The following IL21R variants were observed in gnomAD, a reference collection of about 807,000 sequenced individuals.
The protein encoded by IL21R is interleukin-21 receptor.
A neutral mutation model predicts 41.3 loss-of-function variants in IL21R; 14 were observed. The observed-to-expected ratio is 0.34, with a 90% CI of 0.22 to 0.53. IL21R has a LOEUF of 0.53. Among genes scored for constraint, IL21R ranks in the 20% least tolerant of loss-of-function variants. IL21R has a pLI of 0.94. For synonymous variants in IL21R, 286 were observed against 287.6 expected (o/e 0.99, Z 0.05); for missense variants, 588 against 681.6 (o/e 0.86, Z 1.53).
rs540985118 is a variant in IL21R at position 27,414,796 on chromosome 16, T to C, written c.-17+12178T>C. Among the ~76,000 whole-genome samples, 26 of 152,310 alleles carry C rather than the reference T, an allele frequency of 1.7e-4. No individual in the cohort carries two copies. The South Asian group carries it at 5.0e-3, about 29-fold the overall frequency. ...ATTAGGATCTACCTAATATGAATTC[T>C]TCCAAAAGTTCATGGAAAATTCAAA... is the stretch of plus-strand genomic sequence containing the variant. On this transcript the variant is annotated intron_variant, in intron 1 of 8. Coordinates refer to ENST00000337929, the MANE Select transcript of IL21R (RefSeq NM_181078.3).
chr16:27,404,634 C>T (rs183884052), intron 1 of IL21R, among the ~76,000 whole-genome samples: 70 of 152,306 alleles, frequency 4.6e-4, no homozygotes, highest in Non-Finnish European at 6.0e-4. Context: ...GCACAGGGGC[C>T]TTCTCCACAC....
chr16:27,447,265 A>C, intron 8 of IL21R, among the ~76,000 whole-genome samples: 1 of 152,158 alleles, frequency 6.6e-6, no homozygotes, highest in East Asian at 1.9e-4. Flanking sequence ...GGAGCATCAC[A>C]AACAGTGACT....
At chr16:27,422,235 A>G (rs1294777018) in intron 1 of IL21R, among the ~76,000 whole-genome samples, 1 of 151,988 alleles carries the variant, frequency 6.6e-6, no homozygotes, top group Admixed American at 6.5e-5. Flanking sequence ...TTTTTAAAAT[A>G]GTTTTTCTAT....
Position 27,403,258 on chromosome 16 carries a change from G to C in IL21R, c.-17+640G>C, listed in dbSNP as rs1419450785. The C allele has an allele frequency of 5.3e-5, 70 of 1,323,602 alleles. 1 individual carries two copies. The highest frequency in any genetic ancestry group is 6.6e-5 in the Non-Finnish European group (67 of 1,008,640). The allele number at this position is 1,323,602 out of a possible 1,614,324, so 82.0% of individuals were successfully genotyped here. On this transcript the variant is annotated intron_variant, in intron 1 of 8. Coordinates refer to ENST00000337929, the MANE Select transcript of IL21R (RefSeq NM_181078.3). The stretch of plus-strand genomic sequence containing the variant: ...CCCAGTTCCCTGTGCATGTGGAGGA[G>C]AGGAGGGTGGGGAGGTCAGTGGAGG...
intron 1 of IL21R, among the ~76,000 whole-genome samples, chr16:27,424,682 A>G (rs1439888619): frequency 6.6e-6 from 1 of 152,214 alleles, no homozygotes; most frequent in African/African-American, 2.4e-5. Context: ...GGGACCTGGC[A>G]CACTCCAAGT....
rs991926419 is a variant in IL21R, at chr16:27,450,367, G to A, written c.*1084G>A. 1.9e-4 allele frequency: 44 copies of A among 231,800 alleles called. No homozygotes were observed. The highest frequency in any genetic ancestry group is 4.3e-5 in the Non-Finnish European group (5 of 117,146). The allele number at this position is 231,800 out of a possible 1,614,324, so 14.4% of individuals were successfully genotyped here. The stretch of plus-strand genomic sequence containing the variant: ...CCACCCCCCGTGGCACTCATGGAGG[G>A]GGCTGCAGGTTGGAACTATGCAGTG... On this transcript the variant is annotated 3_prime_UTR_variant, in exon 9 of 9. Transcript: ENST00000337929.
intron 4 of IL21R, 147 bp downstream of exon 4, chr16:27,437,834 T>C: frequency 1.5e-6 from 1 of 663,490 alleles, no homozygotes. Flanking sequence ...AGCTAATTTT[T>C]GTATTTTTAG....
At chr16:27,424,813 G>T (rs1293934680) in intron 1 of IL21R, among the ~76,000 whole-genome samples, 1 of 152,142 alleles carries the variant, frequency 6.6e-6, no homozygotes, top group Non-Finnish European at 1.5e-5. Flanking sequence ...AAGAAAAGAG[G>T]TTTAATTGGC....
At chr16:27,420,044 C>T (rs146391848) in intron 1 of IL21R, among the ~76,000 whole-genome samples, 11 of 151,998 alleles carry the variant, frequency 7.2e-5, no homozygotes, top group East Asian at 1.9e-4. Flanking sequence ...TGTGTCACCA[C>T]GCCTGGCTAA....
At chr16:27,428,959 C>T (rs140459507) in intron 1 of IL21R, among the ~76,000 whole-genome samples, 1 of 152,348 alleles carries the variant, frequency 6.6e-6, no homozygotes, top group African/African-American at 2.4e-5. Context: ...TGCAGTGGCT[C>T]ATGCCTGTAA....
chr16:27,436,134 G>A (rs1193003611), intron 3 of IL21R, among the ~76,000 whole-genome samples: 2 of 152,134 alleles, frequency 1.3e-5, no homozygotes, highest in African/African-American at 2.4e-5. Context: ...CACACAGGTC[G>A]CCCATGGTTT....
At chr16:27,403,819 C>T (rs941985595) in intron 1 of IL21R, among the ~76,000 whole-genome samples, 1 of 152,370 alleles carries the variant, frequency 6.6e-6, no homozygotes, top group South Asian at 2.1e-4. Flanking sequence ...AGCCACCTGG[C>T]TCTGGCCCCC....
intron 4 of IL21R, among the ~76,000 whole-genome samples, chr16:27,439,722 C>G (rs952435229): frequency 6.6e-6 from 1 of 152,176 alleles, no homozygotes; most frequent in Non-Finnish European, 1.5e-5. Context: ...CAGCGTGAAT[C>G]CAAGCATTTC....
chr16:27,442,266 G>A (rs552988684), intron 4 of IL21R, among the ~76,000 whole-genome samples: 5 of 152,160 alleles, frequency 3.3e-5, no homozygotes, highest in Non-Finnish European at 4.4e-5. Flanking sequence ...TTGTGTATGC[G>A]TGTGTGTAGG....
Position 27,449,395 on chromosome 16 carries a change from C to A in IL21R, c.*112C>A. On this transcript the variant is annotated 3_prime_UTR_variant, in exon 9 of 9. Coordinates refer to ENST00000337929, the MANE Select transcript of IL21R (RefSeq NM_181078.3). ...TGCAGCCTTTGGTCTCCTGGATGGGCCTTTGAGCCTGATGTTTACAGTGTC... is the reference window on the plus strand; with the variant it reads ...TGCAGCCTTTGGTCTCCTGGATGGGACTTTGAGCCTGATGTTTACAGTGTC... The A allele has an allele frequency of 1.9e-6, 2 of 1,061,010 alleles. No individual in the cohort carries two copies. The highest frequency in any genetic ancestry group is 1.6e-5 in the South Asian group (1 of 62,040). The allele number at this position is 1,061,010 out of a possible 1,614,324, so 65.7% of individuals were successfully genotyped here. A position where few individuals can be genotyped will look rare whatever the true frequency, so the allele number is the denominator to read the frequency against.
At chr16:27,430,909 C>T (rs1596582795) in intron 2 of IL21R, among the ~76,000 whole-genome samples, 1 of 152,256 alleles carries the variant, frequency 6.6e-6, no homozygotes, top group South Asian at 2.1e-4. Context: ...GGAGGAAGAG[C>T]CAAAAGGAGA....
chr16:27,442,875 G>T, intron 4 of IL21R, 87 bp from the exon 5 acceptor site: 1 of 1,257,172 alleles, frequency 8.0e-7, no homozygotes, highest in South Asian at 1.4e-5. Flanking sequence ...AGGGGTGGGG[G>T]CAGGCAGGAC....
chr16:27,409,153 T>TTC (rs1187886163), intron 1 of IL21R, among the ~76,000 whole-genome samples: 2 of 142,254 alleles, frequency 1.4e-5, no homozygotes, highest in African/African-American at 2.5e-5. Context: ...TTGTGTTTAT[T>TTC]TCTCTCTCTC....
chr16:27,426,754 A>G (rs545029807), intron 1 of IL21R, among the ~76,000 whole-genome samples: 2 of 152,370 alleles, frequency 1.3e-5, no homozygotes, highest in East Asian at 3.9e-4. Context: ...TCAGAGAATA[A>G]AAGAGCCAGA....
Sources: allele counts gnomAD v4.1 joint callset (sites outside exome capture counted in the v4.1 genomes callset), GRCh38; gene constraint gnomAD v4.1.1; transcripts MANE v1.5; gene names NCBI Gene and HGNC (gene_info 2026-07-23, HGNC 2026-07-21).